BLOC1S2: variants seen among roughly 807,000 people sequenced by gnomAD.
BLOC1S2 encodes biogenesis of lysosomal organelles complex 1 subunit 2.
In BLOC1S2, 12 loss-of-function variants were observed where a neutral mutation model predicts 19.6. The ratio of observed to expected loss-of-function variants is 0.61; its 90% CI spans 0.39 to 0.99. The LOEUF is 0.99. Among genes scored for constraint, BLOC1S2 ranks in the 50% least tolerant of loss-of-function variants. The pLI is 0.00. For missense variants in BLOC1S2, 142 were observed against 171.0 expected (o/e 0.83, Z 0.95); for synonymous variants, 66 against 64.1 (o/e 1.03, Z -0.14).
chr10:100,286,209 A>T lies in BLOC1S2; in HGVS notation c.60T>A (p.Asp20Glu). The change falls in exon 2 of 5, where the codon GAT becomes GAA. Residue 20 changes from aspartate to glutamate, a missense_variant. Asp to Glu is a conservative substitution (Grantham distance 45). Around this residue, in one of 2 missense-constraint regions of BLOC1S2, gnomAD observed 48 missense variants for 29.7 expected, o/e 1.61. Transcript: ENST00000370372. ...CTTCCTCAGCTGTCTCCACGGCGGCATCGTCTGGGCCAAGGGAGAATGACT... is the reference window on the plus strand; with the variant it reads ...CTTCCTCAGCTGTCTCCACGGCGGCTTCGTCTGGGCCAAGGGAGAATGACT... Reference protein sequence around the residue: ...ATRSDEPARDDAAVETAEEAK... With the variant: ...ATRSDEPARDEAAVETAEEAK... The T allele has an allele frequency of 2.5e-6, 4 of 1,613,920 alleles. No individual in the cohort carries two copies. Among genetic ancestry groups the T allele is most frequent in the Non-Finnish European group, 3.4e-6 (4 of 1,179,896 alleles).
intron 4 of BLOC1S2, among the ~76,000 whole-genome samples, chr10:100,277,053 G>C (rs1403658396): frequency 6.6e-6 from 1 of 151,266 alleles, no homozygotes; most frequent in Non-Finnish European, 1.5e-5. Context: ...CACCTGGGAA[G>C]TGAGGAGCGC....
chr10:100,286,672 GC>G lies in BLOC1S2; in HGVS notation c.-14del. ...CTGCCGCCGCCATAGCGGACCCCGC[GC>G]TGTTTCCGGGCCGGGGTGCTGCGCA... On this transcript the variant is annotated 5_prime_UTR_variant, in exon 1 of 5. Coordinates refer to ENST00000370372, the MANE Select transcript of BLOC1S2 (RefSeq NM_173809.5). The G allele has an allele frequency of 6.2e-7, 1 of 1,608,384 alleles. No homozygotes were observed. The highest frequency in any genetic ancestry group is 8.5e-7 in the Non-Finnish European group (1 of 1,177,494).
intron 4 of BLOC1S2, among the ~76,000 whole-genome samples, chr10:100,277,963 T>C (rs1451285700): frequency 4.8e-5 from 4 of 82,988 alleles, no homozygotes; most frequent in Non-Finnish European, 7.0e-5. Context: ...TACTGGGAAG[T>C]GAGGAGCCCC....
rs773208018 is a variant in BLOC1S2, at chr10:100,281,035, T to C, written c.191A>G (p.Lys64Arg). The C allele has an allele frequency of 1.2e-6, 2 of 1,613,342 alleles. No individual in the cohort carries two copies. The highest frequency in any genetic ancestry group is 2.2e-5 in the South Asian group (2 of 90,976). The change falls in exon 3 of 5, where the codon AAG becomes AGG. Residue 64 changes from lysine (K) to arginine (R), a missense_variant. By Grantham distance (26) the Lys-to-Arg change is conservative. This residue lies in a region of BLOC1S2 where 94 missense variants were observed against 141.3 expected (regional missense o/e 0.67). Coordinates refer to ENST00000370372, the MANE Select transcript of BLOC1S2 (RefSeq NM_173809.5). ...GAGTTTATTCATATTTTCCAGGAGC[T>C]TATAGTCTTCACTGGTGGCTTGAAA... ...GELTATSEDY[K>R]LLENMNKLTS...
At chr10:100,276,553 C>A (rs146922144) in intron 4 of BLOC1S2, among the ~76,000 whole-genome samples, 5,817 of 148,698 alleles carry the variant, frequency 0.039, 141 homozygotes, top group African/African-American at 0.14. Context: ...TCAAGCCGGG[C>A]CAAAGCTGGA....
rs1811274156 is a variant in BLOC1S2, at chr10:100,275,252, T to C, written c.*210A>G. 2.0e-6 allele frequency: 1 copy of C among 496,376 alleles called. No homozygotes were observed. The highest frequency in any genetic ancestry group is 3.8e-5 in the South Asian group (1 of 26,096). 30.7% of individuals were successfully genotyped at this position (496,376 alleles called of 1,614,324 possible). A position where few individuals can be genotyped will look rare whatever the true frequency, so the allele number is the denominator to read the frequency against. Reference sequence around the variant, plus strand: ...CATTCAAGTAAAAGGTAGGAAGTTATAAGTGTGAGATTCTGAGGGATTCTG... The same window carrying C: ...CATTCAAGTAAAAGGTAGGAAGTTACAAGTGTGAGATTCTGAGGGATTCTG... On this transcript the variant is annotated 3_prime_UTR_variant, in exon 5 of 5. Coordinates refer to ENST00000370372, the MANE Select transcript of BLOC1S2 (RefSeq NM_173809.5).
Position 100,286,676 on chromosome 10 carries a change from T to A in BLOC1S2, c.-17A>T, listed in dbSNP as rs1467817580. 1.2e-6 allele frequency: 2 copies of A among 1,607,764 alleles called. No homozygotes were observed. The highest frequency in any genetic ancestry group is 1.7e-6 in the Non-Finnish European group (2 of 1,177,164). On this transcript the variant is annotated 5_prime_UTR_variant, in exon 1 of 5. Coordinates refer to ENST00000370372, the MANE Select transcript of BLOC1S2 (RefSeq NM_173809.5). ...CGCCGCCATAGCGGACCCCGCGCTG[T>A]TTCCGGGCCGGGGTGCTGCGCATGC...
chr10:100,276,843 G>A lies in BLOC1S2; in HGVS notation c.398-1350C>T, dbSNP rs994855402. ...GGCTGGAGTGCAGTGGCGTGATCTC[G>A]GCTCGCTATGGCCTCCACCTCCCAG... On this transcript the variant is annotated intron_variant, in intron 4 of 4. Transcript: ENST00000370372. 1.6e-3 allele frequency among the ~76,000 whole-genome samples: 244 copies of A among 152,094 alleles called. 2 individuals are homozygous for A. The highest frequency in any genetic ancestry group is 5.4e-3 in the African/African-American group (223 of 41,514).
At chr10:100,286,279 G>A (rs1848235536) in intron 1 of BLOC1S2, 66 bp from the exon 2 acceptor site, 2 of 1,556,428 alleles carry the variant, frequency 1.3e-6, no homozygotes, top group South Asian at 2.4e-5. Flanking sequence ...AAAGCAGCCT[G>A]TTCCGACATC....
intron 4 of BLOC1S2, among the ~76,000 whole-genome samples, chr10:100,279,561 C>T (rs565093061): frequency 1.3e-5 from 2 of 152,090 alleles, no homozygotes; most frequent in East Asian, 1.9e-4. Context: ...GGTGAAACCT[C>T]GTCTCTACTA....
chr10:100,275,977 G>C (rs1326124011), intron 4 of BLOC1S2, among the ~76,000 whole-genome samples: 1 of 152,014 alleles, frequency 6.6e-6, no homozygotes, highest in Non-Finnish European at 1.5e-5. Context: ...CTCTTACTCT[G>C]ACATTCCGTT....
At chr10:100,286,574 C>G (rs556763644) in intron 1 of BLOC1S2, 31 bp downstream of exon 1, 2 of 1,612,226 alleles carry the variant, frequency 1.2e-6, no homozygotes, top group South Asian at 2.2e-5. Context: ...GGCCCCCCAC[C>G]GGACGCTTCC....
intron 4 of BLOC1S2, among the ~76,000 whole-genome samples, chr10:100,277,180 C>G (rs1847909852): frequency 6.6e-6 from 1 of 151,704 alleles, no homozygotes; most frequent in South Asian, 2.1e-4. Flanking sequence ...TGAGGAGCGT[C>G]TCTGCCCGGC....
chr10:100,277,618 C>T (rs1300011095), intron 4 of BLOC1S2, among the ~76,000 whole-genome samples: 3 of 133,448 alleles, frequency 2.2e-5, no homozygotes, highest in Admixed American at 1.4e-4. Flanking sequence ...GGGGGTCAGC[C>T]CCCCTGCCCA....
intron 2 of BLOC1S2, among the ~76,000 whole-genome samples, chr10:100,283,494 G>C (rs1848160267): frequency 6.6e-6 from 1 of 151,888 alleles, no homozygotes; most frequent in Non-Finnish European, 1.5e-5. Context: ...CTTTTCATCT[G>C]AATTATTGCT....
chr10:100,285,555 T>A (rs141376809), intron 2 of BLOC1S2, among the ~76,000 whole-genome samples: 262 of 152,306 alleles, frequency 1.7e-3, no homozygotes, highest in African/African-American at 6.0e-3. Context: ...GCCCTGCCCA[T>A]ACTTCACTTT....
chr10:100,275,511 G>C lies in BLOC1S2; in HGVS notation c.398-18C>G. ...CTTGGCTTCTGTGAGGGATGAGGGA[G>C]AGTTACATCTTTTAAAACTGGCTCT... On this transcript the variant is annotated intron_variant, in intron 4 of 4. Transcript: ENST00000370372. The C allele has an allele frequency of 6.3e-7, 1 of 1,598,270 alleles. No individual in the cohort carries two copies. Among genetic ancestry groups the C allele is most frequent in the Non-Finnish European group, 8.5e-7 (1 of 1,171,450 alleles).
chr10:100,281,315 A>C (rs1210624401), intron 2 of BLOC1S2, among the ~76,000 whole-genome samples: 1 of 152,226 alleles, frequency 6.6e-6, no homozygotes, highest in East Asian at 1.9e-4. Context: ...TGATAAACTC[A>C]TGTCCTAAGA....
At chr10:100,284,089 G>A (rs1404893431) in intron 2 of BLOC1S2, among the ~76,000 whole-genome samples, 3 of 152,194 alleles carry the variant, frequency 2.0e-5, no homozygotes, top group Non-Finnish European at 1.5e-5. Context: ...CATTGGTATA[G>A]AAAACCATTT....
Sources: gnomAD v4.1 joint callset for allele counts (sites outside exome capture counted in the v4.1 genomes callset) on GRCh38, gnomAD v4.1.1 for gene constraint, gnomAD v4.1.1 regional missense constraint, MANE v1.5 for transcripts, NCBI Gene and HGNC (gene_info 2026-07-23, HGNC 2026-07-21) for gene names.